Variants in PDE6A observed in about 807,000 individuals in gnomAD.
PDE6A encodes the protein phosphodiesterase 6A, also known as rod cGMP-specific 3',5'-cyclic phosphodiesterase subunit alpha.
Under a neutral mutation model 106.3 loss-of-function variants are expected in PDE6A, and 84 were observed. That is an observed-to-expected ratio of 0.79 (90% confidence interval 0.66 to 0.95). PDE6A has a LOEUF of 0.95. Ranked by LOEUF, PDE6A falls within the 40% of genes least tolerant of loss-of-function variation. The pLI is 0.00. For synonymous variants in PDE6A, 394 were observed against 386.6 expected (o/e 1.02, Z -0.23); for missense variants, 1,052 against 1,084.9 (o/e 0.97, Z 0.43).
At chr5:149,929,609 A>AAAATAAAAAAATAAAT (rs1554092090) in intron 4 of PDE6A, among the ~76,000 whole-genome samples, 3,727 of 145,338 alleles carry the variant, frequency 0.026, 176 homozygotes, top group African/African-American at 0.09. Flanking sequence ...TCCGTCTCAA[A>AAAATAAAAAAATAAAT]AAATAAATAA....
intron 2 of PDE6A, 41 bp from the exon 3 acceptor site, chr5:149,934,060 G>A (rs1754119258): frequency 1.8e-6 from 2 of 1,105,856 alleles, no homozygotes; most frequent in Admixed American, 3.5e-5. Context: ...GTGAGAAGAA[G>A]AAATCCATCC....
In PDE6A at chr5:149,860,850, C is replaced by T; in HGVS notation, c.*45G>A. ...CTTCCACTGGCTTGAGTCATCTCTTCCCAGGAAAGGGTGGTGCCGTCCAGC... is the reference window on the plus strand; with the variant it reads ...CTTCCACTGGCTTGAGTCATCTCTTTCCAGGAAAGGGTGGTGCCGTCCAGC... On this transcript the variant is annotated 3_prime_UTR_variant, in exon 22 of 22. Coordinates refer to ENST00000255266, the MANE Select transcript of PDE6A (RefSeq NM_000440.3). 6.6e-7 allele frequency: 1 copy of T among 1,525,290 alleles called. No individual in the cohort carries two copies. The allele number at this position is 1,525,290 out of a possible 1,614,324, so 94.5% of individuals were successfully genotyped here.
intron 18 of PDE6A, 125 bp from the exon 19 acceptor site, chr5:149,867,924 T>C (rs1364226504): frequency 8.9e-7 from 1 of 1,127,088 alleles, no homozygotes; most frequent in Non-Finnish European, 1.3e-6. Context: ...CCTGCCACCC[T>C]CACTTTTGCT....
At chr5:149,943,163 G>T (rs1190211590) in intron 1 of PDE6A, among the ~76,000 whole-genome samples, 1 of 152,144 alleles carries the variant, frequency 6.6e-6, no homozygotes, top group Non-Finnish European at 1.5e-5. Flanking sequence ...GGTCCCTGCG[G>T]CCTTCCGCAG....
chr5:149,910,737 T>TA (rs1753353561), intron 6 of PDE6A, among the ~76,000 whole-genome samples: 1 of 151,992 alleles, frequency 6.6e-6, no homozygotes, highest in Admixed American at 6.5e-5. Flanking sequence ...GTAGGGGCCC[T>TA]AACAGATCGA....
chr5:149,878,371 A>G (rs918405355), intron 17 of PDE6A, among the ~76,000 whole-genome samples: 4 of 152,102 alleles, frequency 2.6e-5, no homozygotes, highest in African/African-American at 9.7e-5. Context: ...AATCTGTAAG[A>G]TATTCCATTG....
At chr5:149,932,498 C>G (rs1269297448) in intron 3 of PDE6A, 5 of 1,368,926 alleles carry the variant, frequency 3.7e-6, no homozygotes, top group East Asian at 2.3e-5. Flanking sequence ...CTACAACAAT[C>G]CTCTCTGGAA....
chr5:149,895,971 A>G (rs1752735228), intron 12 of PDE6A, among the ~76,000 whole-genome samples: 1 of 152,176 alleles, frequency 6.6e-6, no homozygotes, highest in Admixed American at 6.5e-5. Context: ...GCCGTCCCCC[A>G]TGACCCTAGA....
chr5:149,898,482 A>T lies in PDE6A; in HGVS notation c.1288T>A (p.Ser430Thr). 2.5e-6 allele frequency: 4 copies of T among 1,613,768 alleles called. No homozygotes were observed. Among genetic ancestry groups the T allele is most frequent in the Non-Finnish European group, 3.4e-6 (4 of 1,179,958 alleles). ...MESLTQFLGW[S>T]VLNPDTYESM... ...TCATAGGTGTCAGGATTTAAGACAG[A>T]CCAGCCCAGAAATTGAGTCAAAGAC... is the stretch of plus-strand genomic sequence containing the variant. The change falls in exon 10 of 22, where the codon TCT (serine) becomes ACT (threonine). Residue 430 changes from serine (S) to threonine (T), a missense_variant. By Grantham distance (58) the Ser-to-Thr change is moderately conservative (BLOSUM62 1). This residue lies in a region of PDE6A where 913 missense variants were observed against 915.2 expected (regional missense o/e 1.00). Transcript: ENST00000255266.
At chr5:149,867,833 A>G (rs779322891) in intron 18 of PDE6A, 34 bp from the exon 19 acceptor site, 16 of 1,599,006 alleles carry the variant, frequency 1.0e-5, no homozygotes, top group Non-Finnish European at 9.4e-6. Flanking sequence ...ACGCAGAGTC[A>G]GAGCCCCAGC....
chr5:149,916,057 C>T (rs537352575), intron 5 of PDE6A, among the ~76,000 whole-genome samples: 1 of 152,290 alleles, frequency 6.6e-6, no homozygotes, highest in East Asian at 1.9e-4. Flanking sequence ...ACTGTAGCCT[C>T]GAATTCCTGG....
At chr5:149,894,651 G>C (rs78462488) in intron 13 of PDE6A, among the ~76,000 whole-genome samples, 3 of 26,296 alleles carry the variant, frequency 1.1e-4, no homozygotes, top group African/African-American at 5.7e-4. Flanking sequence ...TTTTTTTTTT[G>C]AGACAGAGTC....
At chr5:149,872,202 G>A (rs867834854) in intron 17 of PDE6A, among the ~76,000 whole-genome samples, 14 of 152,154 alleles carry the variant, frequency 9.2e-5, no homozygotes, top group South Asian at 4.1e-4. Context: ...CAGGGCAAGC[G>A]ACTTCATGTC....
chr5:149,920,974 G>GAAAGAAAGAAAGAAAT (rs1753696580), intron 5 of PDE6A, among the ~76,000 whole-genome samples: 1 of 131,050 alleles, frequency 7.6e-6, no homozygotes, highest in Non-Finnish European at 1.5e-5. Context: ...AAGAAAGAAA[G>GAAAGAAAGAAAGAAAT]AAAGAAAGAA....
intron 13 of PDE6A, 37 bp from the exon 14 acceptor site, chr5:149,886,411 T>C: frequency 6.6e-7 from 1 of 1,505,148 alleles, no homozygotes; most frequent in Non-Finnish European, 9.2e-7. Context: ...ATTCCTTTTG[T>C]GTAGGGGCTG....
intron 13 of PDE6A, among the ~76,000 whole-genome samples, chr5:149,887,080 G>C (rs1752333294): frequency 6.6e-6 from 1 of 152,054 alleles, no homozygotes; most frequent in South Asian, 2.1e-4. Flanking sequence ...ATCTGGATGG[G>C]GAAATAACTT....
At position 149,886,356 on chromosome 5, in the gene PDE6A, AGC is replaced by A. The variant is rs1454794916; in HGVS notation, c.1745_1746del (p.Arg582LeufsTer18). 6.2e-7 allele frequency: 1 copy of A among 1,613,918 alleles called. No individual in the cohort carries two copies. Among genetic ancestry groups the A allele is most frequent in the South Asian group, 1.1e-5 (1 of 91,080 alleles). ...GCCAAGGCCTCTAGGTCCGTGAAGTAGCGCTTCAGCTTTCCCGTCTGGAAGGG... is the reference window on the plus strand; with the variant it reads ...GCCAAGGCCTCTAGGTCCGTGAAGTAGCTTCAGCTTTCCCGTCTGGAAGGG... ...FSLLVTGKLK[R>X]YFTDLEALAM... On this transcript the variant is annotated frameshift_variant, in exon 14 of 22. Coordinates refer to ENST00000255266, the MANE Select transcript of PDE6A (RefSeq NM_000440.3). LOFTEE classifies it high-confidence loss of function.
intron 17 of PDE6A, among the ~76,000 whole-genome samples, chr5:149,880,539 G>A (rs1277990143): frequency 1.3e-5 from 2 of 151,846 alleles, no homozygotes; most frequent in African/African-American, 4.8e-5. Context: ...ATGAAACCCC[G>A]TCTCTACTAA....
chr5:149,868,053 G>T (rs1760396556), intron 18 of PDE6A, 42 bp downstream of exon 18: 1 of 1,586,504 alleles, frequency 6.3e-7, no homozygotes. Flanking sequence ...GATGCCCCCA[G>T]TACTGGGATG....
Sources: gnomAD v4.1 joint callset for allele counts (sites outside exome capture counted in the v4.1 genomes callset) on GRCh38, gnomAD v4.1.1 for gene constraint, gnomAD v4.1.1 regional missense constraint, MANE v1.5 for transcripts, NCBI Gene and HGNC (gene_info 2026-07-23, HGNC 2026-07-21) for gene names.